Variants in SYN3 observed in about 807,000 individuals in gnomAD.
SYN3 encodes the protein synapsin III.
A neutral mutation model predicts 65.8 loss-of-function variants in SYN3; 35 were observed. That is an observed-to-expected ratio of 0.53 (90% CI 0.41 to 0.70). The LOEUF is 0.70. SYN3 is among the 30% of genes least tolerant of loss of function. The probability of loss-of-function intolerance (pLI) is 0.00; values close to 1 mark genes in which losing one functional copy is unlikely to be tolerated. For synonymous variants in SYN3, 270 were observed against 292.9 expected (o/e 0.92, Z 0.80); for missense variants, 680 against 749.0 (o/e 0.91, Z 1.08).
chr22:32,852,771 T>C (rs1392451833), intron 6 of SYN3, among the ~76,000 whole-genome samples: 3 of 152,128 alleles, frequency 2.0e-5, no homozygotes, highest in African/African-American at 4.8e-5. Context: ...GGTGTTAGAA[T>C]GTTGAGAGAG....
chr22:32,982,337 G>A (rs1411241755), intron 2 of SYN3, among the ~76,000 whole-genome samples: 2 of 151,936 alleles, frequency 1.3e-5, no homozygotes, highest in Non-Finnish European at 2.9e-5. Context: ...TCTGCCATCC[G>A]TCCGTCCTTC....
intron 3 of SYN3, among the ~76,000 whole-genome samples, chr22:32,940,590 A>G (rs1421507360): frequency 6.6e-6 from 1 of 152,164 alleles, no homozygotes; most frequent in African/African-American, 2.4e-5. Flanking sequence ...ATGGTTATTC[A>G]TATACTTTGG....
chr22:32,750,666 C>A (rs1375948579), intron 6 of SYN3, among the ~76,000 whole-genome samples: 1 of 152,162 alleles, frequency 6.6e-6, no homozygotes, highest in Non-Finnish European at 1.5e-5. Flanking sequence ...AGGGCAGAAA[C>A]CAGAAAGCCA....
intron 1 of SYN3, among the ~76,000 whole-genome samples, chr22:33,032,301 T>C (rs1232582637): frequency 1.4e-5 from 2 of 139,658 alleles, no homozygotes; most frequent in Non-Finnish European, 3.1e-5. Flanking sequence ...TGAGGTCAGG[T>C]GTTCGAGACC....
At chr22:32,729,798 C>T (rs2061246076) in intron 6 of SYN3, among the ~76,000 whole-genome samples, 1 of 152,186 alleles carries the variant, frequency 6.6e-6, no homozygotes, top group African/African-American at 2.4e-5. Flanking sequence ...GGAATCCCTT[C>T]TCTTCCATTC....
intron 6 of SYN3, among the ~76,000 whole-genome samples, chr22:32,623,311 G>A (rs112668024): frequency 7.9e-5 from 12 of 151,962 alleles, no homozygotes; most frequent in African/African-American, 1.7e-4. Flanking sequence ...CTTGGTCTCC[G>A]TAGTAGGCCA....
At chr22:32,950,197 G>A (rs1284977838) in intron 3 of SYN3, among the ~76,000 whole-genome samples, 1 of 152,180 alleles carries the variant, frequency 6.6e-6, no homozygotes, top group Non-Finnish European at 1.5e-5. Flanking sequence ...GAGACACACA[G>A]GTACTAAGTT....
chr22:32,630,719 C>T (rs914535157), intron 6 of SYN3, among the ~76,000 whole-genome samples: 4 of 152,204 alleles, frequency 2.6e-5, no homozygotes, highest in Non-Finnish European at 4.4e-5. Context: ...TCCATCTCTG[C>T]GGCAAGTTTC....
intron 6 of SYN3, among the ~76,000 whole-genome samples, chr22:32,697,267 A>T (rs1329201824): frequency 2.6e-5 from 4 of 152,216 alleles, no homozygotes; most frequent in Non-Finnish European, 5.9e-5. Context: ...ATGGAGTAGA[A>T]TGAAGGAGCT....
rs371843574 is a variant in SYN3 at position 32,855,157 on chromosome 22, T to C, written c.711+9758A>G. Among the ~76,000 whole-genome samples the C allele has an allele frequency of 4.6e-5, 7 of 152,326 alleles. No individual in the cohort carries two copies. The East Asian group carries it at 9.7e-4, about 21-fold the overall frequency. On this transcript the variant is annotated intron_variant, in intron 6 of 13. Coordinates refer to ENST00000358763, the MANE Select transcript of SYN3 (RefSeq NM_003490.4). The stretch of plus-strand genomic sequence containing the variant: ...TCCAGGGCTTGTGTACGCTGAGAAC[T>C]GAGGGGATAACAGAATTGTGCAACA...
chr22:32,902,707 A>C (rs137529), intron 4 of SYN3, among the ~76,000 whole-genome samples: 149,312 of 152,152 alleles, frequency 0.98, 73,271 homozygotes, highest in East Asian at 1. Flanking sequence ...GGTTCATGGG[A>C]CTAGGTTCTA....
intron 6 of SYN3, among the ~76,000 whole-genome samples, chr22:32,858,652 G>C (rs1018423124): frequency 2.6e-5 from 4 of 152,114 alleles, no homozygotes; most frequent in African/African-American, 9.7e-5. Flanking sequence ...GGAGGAAGTT[G>C]GGCCATTCTC....
At chr22:32,532,037 G>A (rs557751339) in intron 10 of SYN3, among the ~76,000 whole-genome samples, 14 of 152,332 alleles carry the variant, frequency 9.2e-5, no homozygotes, top group Admixed American at 4.6e-4. Context: ...GACCCGGAGA[G>A]GTAGGGGCTC....
At chr22:32,551,455 C>A (rs967259362) in intron 7 of SYN3, among the ~76,000 whole-genome samples, 1 of 151,612 alleles carries the variant, frequency 6.6e-6, no homozygotes, top group Non-Finnish European at 1.5e-5. Context: ...ATGGAGCTGC[C>A]ATTGGCCAAA....
chr22:32,861,738 T>G (rs1193977416), intron 6 of SYN3: 1 of 152,510 alleles, frequency 6.6e-6, no homozygotes, highest in African/African-American at 2.4e-5. Flanking sequence ...CAAAGCGATG[T>G]CAGAGGGCGG....
chr22:32,907,198 T>A (rs771662620), intron 4 of SYN3, among the ~76,000 whole-genome samples: 9 of 152,272 alleles, frequency 5.9e-5, no homozygotes, highest in Non-Finnish European at 1.0e-4. Flanking sequence ...TTTAAGTGAA[T>A]TAAGTCATTT....
chr22:32,566,305 G>A (rs1425880745), intron 7 of SYN3, among the ~76,000 whole-genome samples: 1 of 152,180 alleles, frequency 6.6e-6, no homozygotes, highest in East Asian at 1.9e-4. Context: ...CATGTGTCAA[G>A]CACTCAGTAG....
intron 12 of SYN3, among the ~76,000 whole-genome samples, chr22:32,518,691 G>A (rs1022379305): frequency 1.3e-5 from 2 of 152,098 alleles, no homozygotes; most frequent in African/African-American, 4.8e-5. Context: ...AGCAAGACTG[G>A]AAGACTGTAC....
intron 7 of SYN3, among the ~76,000 whole-genome samples, chr22:32,550,998 G>A (rs967275561): frequency 2.6e-5 from 4 of 152,164 alleles, no homozygotes; most frequent in African/African-American, 9.7e-5. Context: ...AATAACCAAT[G>A]ACAAAAAGAT....
Sources: allele counts gnomAD v4.1 joint callset (sites outside exome capture counted in the v4.1 genomes callset), GRCh38; gene constraint gnomAD v4.1.1; transcripts MANE v1.5; gene names NCBI Gene and HGNC (gene_info 2026-07-23, HGNC 2026-07-21).